Variants in BEND4 observed in about 807,000 individuals in gnomAD.
The protein encoded by BEND4 is BEN domain-containing protein 4.
A neutral mutation model predicts 54.7 loss-of-function variants in BEND4; 27 were observed. The observed-to-expected ratio is 0.49, with a 90% CI of 0.36 to 0.68. The LOEUF is 0.68. Among genes scored for constraint, BEND4 ranks in the 30% least tolerant of loss-of-function variants. BEND4 has a pLI of 0.00. For missense variants in BEND4, 702 were observed against 697.2 expected, an observed-to-expected ratio of 1.01 and a Z score of -0.08; for synonymous variants, 327 against 299.5, an observed-to-expected ratio of 1.09 and a Z score of -0.95.
chr4:42,126,343 A>G (rs1355662977), intron 3 of BEND4, among the ~76,000 whole-genome samples: 1 of 152,206 alleles, frequency 6.6e-6, no homozygotes, highest in Admixed American at 6.5e-5. Flanking sequence ...AAGGTACTGA[A>G]AAGTAAGGTT....
intron 3 of BEND4, among the ~76,000 whole-genome samples, chr4:42,140,321 C>G (rs1393391979): frequency 6.6e-6 from 1 of 152,062 alleles, no homozygotes; most frequent in Non-Finnish European, 1.5e-5. Flanking sequence ...CACAAATAAG[C>G]TAATATTTTC....
chr4:42,119,985 G>C, intron 5 of BEND4, 69 bp downstream of exon 5: 1 of 1,591,426 alleles, frequency 6.3e-7, no homozygotes, highest in East Asian at 2.2e-5. Context: ...ACACTTGTAC[G>C]GGGAGAGCCA....
At chr4:42,123,100 G>A (rs539109942) in intron 4 of BEND4, among the ~76,000 whole-genome samples, 1 of 152,136 alleles carries the variant, frequency 6.6e-6, no homozygotes, top group African/African-American at 2.4e-5. Flanking sequence ...TCAAGAAAAA[G>A]GGAAAGAAAA....
intron 3 of BEND4, among the ~76,000 whole-genome samples, chr4:42,140,428 G>A (rs1720842126): frequency 6.6e-6 from 1 of 152,148 alleles, no homozygotes; most frequent in Admixed American, 6.5e-5. Context: ...TTATCCATGT[G>A]AAATGGTTGC....
Position 42,112,014 on chromosome 4 carries a change from G to T in BEND4, c.*5504C>A, listed in dbSNP as rs1484985746. The T allele has an allele frequency of 6.6e-6, 1 of 152,234 alleles. No homozygotes were observed. The highest frequency in any genetic ancestry group is 1.9e-4 in the East Asian group (1 of 5,200). The allele number at this position is 152,234 out of a possible 1,614,324, so 9.4% of individuals were successfully genotyped here. ...ATCCCAGAGGATATATGGTTTGTAT[G>T]TTCCTACCTAAGCATCGACATACTT... On this transcript the variant is annotated 3_prime_UTR_variant, in exon 6 of 6. Coordinates refer to ENST00000502486, the MANE Select transcript of BEND4 (RefSeq NM_207406.4).
chr4:42,145,495 C>T (rs566087682), intron 2 of BEND4, among the ~76,000 whole-genome samples: 2 of 151,970 alleles, frequency 1.3e-5, no homozygotes, highest in Admixed American at 6.6e-5. Flanking sequence ...AGATCGAGAC[C>T]ATCCTGGCCA....
Position 42,151,900 on chromosome 4 carries a change from C to T in BEND4, c.244G>A (p.Ala82Thr). The T allele has an allele frequency of 7.9e-7, 1 of 1,268,518 alleles. No homozygotes were observed. Among genetic ancestry groups the T allele is most frequent in the Non-Finnish European group, 9.9e-7 (1 of 1,011,910 alleles). 78.6% of individuals were successfully genotyped at this position (1,268,518 alleles called of 1,614,324 possible). A position where few individuals can be genotyped will look rare whatever the true frequency, so the allele number is the denominator to read the frequency against. ...GGCCCGGGGGGGTAGGAGCTCTGCG[C>T]CTGGAACTGCTGCGGCGGCGGCTCG... ...SSEPPPQQFQ[A>T]QSSYPPGPGR... The change falls in exon 2 of 6, where the codon GCG (alanine) becomes ACG (threonine). Residue 82 changes from alanine to threonine, a missense_variant. By Grantham distance (58) the Ala-to-Thr change is moderately conservative. Transcript: ENST00000502486.
In BEND4 at chr4:42,116,190, C is replaced by G. The variant is rs1328597882; in HGVS notation, c.*1328G>C. 1 of 152,202 alleles carries G rather than the reference C, an allele frequency of 6.6e-6. No individual in the cohort carries two copies. The highest frequency in any genetic ancestry group is 1.9e-4 in the East Asian group (1 of 5,198). 9.4% of individuals were successfully genotyped at this position (152,202 alleles called of 1,614,324 possible). Reference sequence around the variant, plus strand: ...AACCCTTGGTCATGTCTGTAGATGACATTAGTAGCCTTCAATAAACGCTGT... The same window carrying G: ...AACCCTTGGTCATGTCTGTAGATGAGATTAGTAGCCTTCAATAAACGCTGT... On this transcript the variant is annotated 3_prime_UTR_variant, in exon 6 of 6. Coordinates refer to ENST00000502486, the MANE Select transcript of BEND4 (RefSeq NM_207406.4).
chr4:42,137,634 AAC>A (rs1720739742), intron 3 of BEND4, among the ~76,000 whole-genome samples: 2 of 152,218 alleles, frequency 1.3e-5, no homozygotes, highest in Non-Finnish European at 2.9e-5. Context: ...TTAAACATGG[AAC>A]TGCATCACAC....
rs1719570391 is a variant in BEND4, at chr4:42,111,535, A to G, written c.*5983T>C. 1 of 152,250 alleles carries G rather than the reference A, an allele frequency of 6.6e-6. No homozygotes were observed. Among genetic ancestry groups the G allele is most frequent in the African/African-American group, 2.4e-5 (1 of 41,470 alleles). 9.4% of individuals were successfully genotyped at this position (152,250 alleles called of 1,614,324 possible). A position where few individuals can be genotyped will look rare whatever the true frequency, so the allele number is the denominator to read the frequency against. ...GCCCTGTTCCCAAGAAGTGCAAGCC[A>G]GGACCCTCATGGCCTTGGCATGCTC... On this transcript the variant is annotated 3_prime_UTR_variant, in exon 6 of 6. Transcript: ENST00000502486.
intron 2 of BEND4, among the ~76,000 whole-genome samples, chr4:42,148,988 G>A (rs979653759): frequency 1.3e-5 from 2 of 152,124 alleles, no homozygotes; most frequent in Admixed American, 6.5e-5. Flanking sequence ...TCTCTTCTTA[G>A]TTATAGCCCT....
intron 3 of BEND4, among the ~76,000 whole-genome samples, chr4:42,136,596 G>A (rs919659904): frequency 6.6e-6 from 1 of 152,260 alleles, no homozygotes; most frequent in African/African-American, 2.4e-5. Flanking sequence ...ACAACGGGAT[G>A]CTTTGCATTC....
intron 3 of BEND4, among the ~76,000 whole-genome samples, chr4:42,129,187 G>C (rs1577753906): frequency 6.6e-6 from 1 of 152,084 alleles, no homozygotes; most frequent in Non-Finnish European, 1.5e-5. Flanking sequence ...GCCACAAAGA[G>C]AATAAAATAC....
intron 3 of BEND4, among the ~76,000 whole-genome samples, chr4:42,135,193 GGGTGTGTAAGA>G (rs1720654640): frequency 6.6e-6 from 1 of 152,134 alleles, no homozygotes; most frequent in Non-Finnish European, 1.5e-5. Flanking sequence ...TCCCACTGAT[GGGTGTGTAAGA>G]GGTAGCACCC....
chr4:42,128,241 T>C (rs1720360475), intron 3 of BEND4, among the ~76,000 whole-genome samples: 2 of 152,218 alleles, frequency 1.3e-5, no homozygotes, highest in African/African-American at 4.8e-5. Flanking sequence ...GCCAATATCA[T>C]ACTGAATGTG....
intron 2 of BEND4, among the ~76,000 whole-genome samples, chr4:42,150,330 A>C (rs1721221636): frequency 6.8e-6 from 1 of 146,996 alleles, no homozygotes; most frequent in African/African-American, 2.7e-5. Context: ...ACAATAAGGA[A>C]GTCCACCTAA....
At chr4:42,144,958 G>C (rs1258594152) in intron 2 of BEND4, among the ~76,000 whole-genome samples, 1 of 152,146 alleles carries the variant, frequency 6.6e-6, no homozygotes, top group East Asian at 1.9e-4. Context: ...TAAATACAGA[G>C]AGGGGCACTT....
At chr4:42,141,558 G>A (rs1159123658) in intron 3 of BEND4, among the ~76,000 whole-genome samples, 5 of 151,984 alleles carry the variant, frequency 3.3e-5, no homozygotes, top group African/African-American at 9.7e-5. Flanking sequence ...GTGGCGAAAC[G>A]CTGTCTCTAC....
chr4:42,119,535 A>C (rs1719979965), intron 5 of BEND4, among the ~76,000 whole-genome samples: 2 of 152,048 alleles, frequency 1.3e-5, no homozygotes, highest in Non-Finnish European at 2.9e-5. Flanking sequence ...TCTGCAGTAC[A>C]CTTAATAGAA....
Sources: allele counts gnomAD v4.1 joint callset (sites outside exome capture counted in the v4.1 genomes callset), GRCh38; gene constraint gnomAD v4.1.1; transcripts MANE v1.5; gene names NCBI Gene and HGNC (gene_info 2026-07-23, HGNC 2026-07-21).